Variants in FRMD4B observed in about 807,000 individuals in gnomAD.
FRMD4B encodes the protein FERM domain containing 4B, also known as FERM domain-containing protein 4B.
Under a neutral mutation model 141.5 loss-of-function variants are expected in FRMD4B, and 74 were observed. The ratio of observed to expected loss-of-function variants is 0.52; its 90% CI spans 0.43 to 0.63. The LOEUF is 0.63. FRMD4B is among the 30% of genes least tolerant of loss of function. FRMD4B has a pLI of 0.00. For missense variants in FRMD4B, 1,366 were observed against 1,253.4 expected (o/e 1.09, Z -1.36); for synonymous variants, 506 against 467.9 (o/e 1.08, Z -1.05).
chr3:69,307,266 A>G (rs887829400), intron 3 of FRMD4B, among the ~76,000 whole-genome samples: 6 of 152,140 alleles, frequency 3.9e-5, no homozygotes, highest in Non-Finnish European at 8.8e-5. Context: ...TTCTTCTCCC[A>G]GCGTAGTTTT....
At position 69,499,161 on chromosome 3, in the gene FRMD4B, A is replaced by G. The variant is rs1020641175; in HGVS notation, c.-129+43045T>C. Among the ~76,000 whole-genome samples the G allele has an allele frequency of 4.6e-5, 7 of 152,140 alleles. No homozygotes were observed. The South Asian group carries it at 1.0e-3, about 23-fold the overall frequency. ...AACTTGGCAGACTTTACAACAGGAG[A>G]CAGAAAACTGGTGTGGTGAGAGTGC... On this transcript the variant is annotated intron_variant, in intron 1 of 5. Transcript: ENST00000459638.
chr3:69,259,499 C>G (rs1028112794), intron 5 of FRMD4B, among the ~76,000 whole-genome samples: 2 of 152,158 alleles, frequency 1.3e-5, no homozygotes, highest in African/African-American at 4.8e-5. Flanking sequence ...CATCCAAAGA[C>G]TCTCTTAATG....
rs906619774 is a variant in FRMD4B, at chr3:69,462,951, T to C, written c.-128-30190A>G. 6.6e-5 allele frequency among the ~76,000 whole-genome samples: 10 copies of C among 152,358 alleles called. No individual in the cohort carries two copies. The Middle Eastern group carries it at 0.01, about 155-fold the overall frequency. ...CCAGCTTTCTCATCTATGATGCACT[T>C]CCTTGTATTCACCTCCTTGCCCTCC... On this transcript the variant is annotated intron_variant, in intron 1 of 5. Coordinates refer to the FRMD4B transcript ENST00000459638.
chr3:69,395,784 G>T (rs1967034), intron 2 of FRMD4B, among the ~76,000 whole-genome samples: 102,342 of 152,028 alleles, frequency 0.67, 34,575 homozygotes, highest in East Asian at 0.7. Flanking sequence ...CTATGGCTAT[G>T]TTACACAGTG....
chr3:69,260,612 G>A (rs1335444383), intron 5 of FRMD4B, among the ~76,000 whole-genome samples: 2 of 152,384 alleles, frequency 1.3e-5, no homozygotes, highest in South Asian at 2.1e-4. Flanking sequence ...TGGTCCCATC[G>A]ACCGCCTAAG....
chr3:69,401,304 AC>A (rs1259141013), intron 2 of FRMD4B, among the ~76,000 whole-genome samples: 1 of 152,208 alleles, frequency 6.6e-6, no homozygotes, highest in Non-Finnish European at 1.5e-5. Flanking sequence ...AGTAAACTAC[AC>A]GGGACAGAGG....
chr3:69,287,825 T>G lies in FRMD4B; in HGVS notation c.428A>C (p.Glu143Ala). The G allele has an allele frequency of 6.4e-7, 1 of 1,562,236 alleles. No homozygotes were observed. ...ILHFAVRFYIESISFLKDKTT... is the reference protein window; with the variant it reads ...ILHFAVRFYIASISFLKDKTT... ...TTTATCCTTTAAAAACGATATGCTC[T>G]CAATGTAAAACCTGAAAAACAGCAG... Residue 143 changes from glutamate to alanine, a missense_variant, in exon 5 of 23, where the codon GAG becomes GCG. Transcript: ENST00000398540.
intron 1 of FRMD4B, chr3:69,472,216 T>G (rs1705904662): frequency 3.3e-6 from 1 of 302,738 alleles, no homozygotes; most frequent in Non-Finnish European, 6.8e-6. Context: ...GCTGAAGATC[T>G]TGTGACTAAA....
chr3:69,291,075 T>C (rs1450401212), intron 4 of FRMD4B, among the ~76,000 whole-genome samples: 1 of 152,208 alleles, frequency 6.6e-6, no homozygotes, highest in African/African-American at 2.4e-5. Context: ...AAGACTTACG[T>C]TGAAGGATTT....
At chr3:69,522,072 G>A (rs1221805090) in intron 1 of FRMD4B, among the ~76,000 whole-genome samples, 1 of 152,076 alleles carries the variant, frequency 6.6e-6, no homozygotes. Flanking sequence ...TCTAAGACAT[G>A]TTCTGACTCA....
At chr3:69,470,423 T>C (rs539443700) in intron 1 of FRMD4B, among the ~76,000 whole-genome samples, 1 of 152,322 alleles carries the variant, frequency 6.6e-6, no homozygotes, top group Non-Finnish European at 1.5e-5. Context: ...CCAGTTTTTT[T>C]TAATTTAATG....
chr3:69,259,548 A>C (rs986531887), intron 5 of FRMD4B, among the ~76,000 whole-genome samples: 17 of 152,214 alleles, frequency 1.1e-4, no homozygotes, highest in African/African-American at 4.1e-4. Flanking sequence ...TGCTTCTTAA[A>C]TTCATATGTC....
chr3:69,219,162 C>A (rs376460969), intron 9 of FRMD4B, among the ~76,000 whole-genome samples: 427 of 130,692 alleles, frequency 3.3e-3, no homozygotes, highest in Non-Finnish European at 3.8e-3. Flanking sequence ...GAGAATCTGT[C>A]AAAAAAAAAA....
intron 19 of FRMD4B, 121 bp from the exon 20 acceptor site, chr3:69,182,838 T>C: frequency 1.1e-6 from 1 of 892,168 alleles, no homozygotes; most frequent in East Asian, 2.6e-5. Flanking sequence ...GGGAGAAAGA[T>C]AGGAAGAGTG....
rs1164661794 is a variant in FRMD4B, at chr3:69,170,795, C to T, written c.*1066G>A. The T allele has an allele frequency of 3.9e-5, 6 of 152,064 alleles. No homozygotes were observed. Among genetic ancestry groups the T allele is most frequent in the East Asian group, 1.9e-4 (1 of 5,188 alleles). The allele number at this position is 152,064 out of a possible 1,614,324, so 9.4% of individuals were successfully genotyped here. On this transcript the variant is annotated 3_prime_UTR_variant, in exon 23 of 23. Transcript: ENST00000398540. The stretch of plus-strand genomic sequence containing the variant: ...TCCACTGCAGCTTGGAGCTTTTTGT[C>T]GTTGTTGTTGTTTTTCTTTTTTAAT...
intron 1 of FRMD4B, among the ~76,000 whole-genome samples, chr3:69,446,526 T>C (rs868362563): frequency 7.2e-5 from 11 of 151,936 alleles, no homozygotes; most frequent in African/African-American, 2.7e-4. Context: ...AAAGATGAGG[T>C]TCCGTTATGT....
At chr3:69,371,886 A>G (rs1288639017) in intron 1 of FRMD4B, among the ~76,000 whole-genome samples, 1 of 152,162 alleles carries the variant, frequency 6.6e-6, no homozygotes, top group Non-Finnish European at 1.5e-5. Flanking sequence ...CTCAGTATAT[A>G]TTTGTTGAAA....
In FRMD4B at chr3:69,312,956, C is replaced by G. The variant is rs151283905; in HGVS notation, c.228+496G>C. 2.6e-3 allele frequency among the ~76,000 whole-genome samples: 399 copies of G among 152,248 alleles called. 2 individuals are homozygous for G. The highest frequency in any genetic ancestry group is 9.2e-3 in the African/African-American group (384 of 41,536). ...CCATATATTTTACAAAGAGATTTCA[C>G]TCACATATATAATCTAGCTTGATTT... On this transcript the variant is annotated intron_variant, in intron 2 of 22. Coordinates refer to ENST00000398540, the MANE Select transcript of FRMD4B (RefSeq NM_015123.3).
chr3:69,175,792 T>G (rs1057427768), intron 22 of FRMD4B, among the ~76,000 whole-genome samples: 1 of 54,008 alleles, frequency 1.9e-5, no homozygotes, highest in African/African-American at 5.3e-5. Flanking sequence ...TTTTTTTTTT[T>G]GAGACGGAGA....
Sources: gnomAD v4.1 joint callset for allele counts (sites outside exome capture counted in the v4.1 genomes callset) on GRCh38, gnomAD v4.1.1 for gene constraint, MANE v1.5 for transcripts, NCBI Gene and HGNC (gene_info 2026-07-23, HGNC 2026-07-21) for gene names.